Variants in APP observed in about 807,000 individuals in gnomAD.
APP encodes the protein amyloid-beta precursor protein.
In APP, 31 loss-of-function variants were observed where a neutral mutation model predicts 101.4. The observed-to-expected ratio is 0.31, with a 90% CI of 0.23 to 0.41. The LOEUF (loss-of-function observed/expected upper bound fraction) is 0.41, where lower values mean the gene tolerates loss of function less well. APP is among the 10% of genes least tolerant of loss of function. APP has a pLI of 1.00. For missense variants in APP, 839 were observed against 1,003.7 expected, an observed-to-expected ratio of 0.84 and a Z score of 2.22; for synonymous variants, 366 against 364.4, an observed-to-expected ratio of 1.00 and a Z score of -0.05.
intron 3 of APP, among the ~76,000 whole-genome samples, chr21:26,063,348 T>C (rs1300615011): frequency 2.6e-5 from 4 of 152,204 alleles, no homozygotes; most frequent in Admixed American, 2.6e-4. Context: ...CTCTATCAAC[T>C]GAGAAGTCTT....
At chr21:26,039,980 T>C (rs1302409503) in intron 5 of APP, among the ~76,000 whole-genome samples, 1 of 152,246 alleles carries the variant, frequency 6.6e-6, no homozygotes, top group South Asian at 2.1e-4. Context: ...ACCAGAAGTG[T>C]TTCAGATTTC....
At chr21:26,094,722 C>T (rs1030691248) in intron 2 of APP, among the ~76,000 whole-genome samples, 53 of 151,218 alleles carry the variant, frequency 3.5e-4, no homozygotes, top group Admixed American at 1.8e-3. Flanking sequence ...GATTAAGTTC[C>T]TGATTTTTAT....
intron 9 of APP, among the ~76,000 whole-genome samples, chr21:25,977,501 G>A (rs1451334729): frequency 6.6e-6 from 1 of 152,118 alleles, no homozygotes; most frequent in Non-Finnish European, 1.5e-5. Context: ...AAGAAAAAGA[G>A]GCTTGGAATA....
chr21:26,164,177 G>A (rs564973360), intron 1 of APP, among the ~76,000 whole-genome samples: 4 of 152,314 alleles, frequency 2.6e-5, no homozygotes, highest in South Asian at 4.1e-4. Context: ...CCTGAGAGGC[G>A]GAGATTGCAG....
intron 8 of APP, among the ~76,000 whole-genome samples, chr21:25,995,733 T>C (rs948720072): frequency 6.6e-6 from 1 of 152,216 alleles, no homozygotes; most frequent in African/African-American, 2.4e-5. Flanking sequence ...AAAATGCTTT[T>C]TTCACAACAG....
At chr21:25,980,910 A>G (rs533822456) in intron 9 of APP, among the ~76,000 whole-genome samples, 1 of 152,308 alleles carries the variant, frequency 6.6e-6, no homozygotes, top group African/African-American at 2.4e-5. Flanking sequence ...AACATGAGCA[A>G]GAGCCTTTTA....
At chr21:25,955,936 A>G (rs572534295) in intron 11 of APP, among the ~76,000 whole-genome samples, 181 bp from the exon 12 acceptor site, 1 of 152,206 alleles carries the variant, frequency 6.6e-6, no homozygotes, top group South Asian at 2.1e-4. Flanking sequence ...AATTACTTAG[A>G]TCGGCTGCTT....
chr21:25,881,546 A>G lies in APP; in HGVS notation c.*124T>C. 1 of 1,093,954 alleles carries G rather than the reference A, an allele frequency of 9.1e-7. No individual in the cohort carries two copies. Among genetic ancestry groups the G allele is most frequent in the Non-Finnish European group, 1.4e-6 (1 of 720,542 alleles). 67.8% of individuals were successfully genotyped at this position (1,093,954 alleles called of 1,614,324 possible). ...ACTTGTGTTACAGCACAGCTGTCAA[A>G]AGGCGATAATGAGTAAATCATAAAA... On this transcript the variant is annotated 3_prime_UTR_variant, in exon 18 of 18. Coordinates refer to ENST00000346798, the MANE Select transcript of APP (RefSeq NM_000484.4).
chr21:26,116,114 A>C (rs961541187), intron 1 of APP, among the ~76,000 whole-genome samples: 7 of 152,230 alleles, frequency 4.6e-5, no homozygotes, highest in African/African-American at 1.7e-4. Context: ...ATGGGAAAAC[A>C]GTGTTCCTGA....
chr21:26,036,122 G>A (rs2045097643), intron 5 of APP, among the ~76,000 whole-genome samples: 1 of 152,006 alleles, frequency 6.6e-6, no homozygotes, highest in African/African-American at 2.4e-5. Flanking sequence ...TCAAGGGCAT[G>A]GATTACAGCA....
intron 3 of APP, among the ~76,000 whole-genome samples, chr21:26,078,107 A>G (rs950850986): frequency 6.6e-6 from 1 of 152,220 alleles, no homozygotes; most frequent in Non-Finnish European, 1.5e-5. Context: ...TCTTTTCCTC[A>G]GTGCTAATTG....
At chr21:25,989,888 C>T (rs897405396) in intron 8 of APP, among the ~76,000 whole-genome samples, 1 of 151,436 alleles carries the variant, frequency 6.6e-6, no homozygotes, top group African/African-American at 2.4e-5. Context: ...TTTCCGAGTG[C>T]CATGCTTATT....
At position 26,070,763 on chromosome 21, in the gene APP, A is replaced by G. The variant is rs1355491264; in HGVS notation, c.356-17415T>C. The stretch of plus-strand genomic sequence containing the variant: ...GAAACAAAACACCCAGAAAAATCTA[A>G]GGTTGAAGAACATGTATAATTTGAG... On this transcript the variant is annotated intron_variant, in intron 3 of 17. Transcript: ENST00000346798. Among the ~76,000 whole-genome samples, 10 of 152,222 alleles carry G rather than the reference A, an allele frequency of 6.6e-5. 1 individual carries two copies.
chr21:26,016,093 C>A (rs2044046276), intron 6 of APP, among the ~76,000 whole-genome samples: 1 of 152,022 alleles, frequency 6.6e-6, no homozygotes, highest in Non-Finnish European at 1.5e-5. Context: ...TGCAGTGGCG[C>A]AATCTCAGCT....
chr21:26,164,199 C>G (rs1041631615), intron 1 of APP, among the ~76,000 whole-genome samples: 1 of 152,204 alleles, frequency 6.6e-6, no homozygotes, highest in Non-Finnish European at 1.5e-5. Context: ...GAGCTGAGAT[C>G]GCACCACTGC....
chr21:26,077,564 C>T (rs955917250), intron 3 of APP, among the ~76,000 whole-genome samples: 1 of 152,104 alleles, frequency 6.6e-6, no homozygotes, highest in Non-Finnish European at 1.5e-5. Flanking sequence ...TCCAGTAGAA[C>T]CCTAAGAAGC....
At chr21:25,926,007 A>G (rs1285612201) in intron 13 of APP, among the ~76,000 whole-genome samples, 2 of 152,212 alleles carry the variant, frequency 1.3e-5, no homozygotes, top group African/African-American at 4.8e-5. Flanking sequence ...AAAGCAAGGC[A>G]TGAGATGAGT....
At chr21:25,951,328 C>T (rs1287385466) in intron 13 of APP, among the ~76,000 whole-genome samples, 1 of 152,188 alleles carries the variant, frequency 6.6e-6, no homozygotes, top group Non-Finnish European at 1.5e-5. Flanking sequence ...AGCAGATATA[C>T]CTCTCCCACT....
At chr21:26,145,156 GCTGA>G (rs955905972) in intron 1 of APP, among the ~76,000 whole-genome samples, 3 of 152,172 alleles carry the variant, frequency 2.0e-5, no homozygotes, top group African/African-American at 7.2e-5. Flanking sequence ...TCAAAAGCTG[GCTGA>G]CTACCTACCA....
Sources: gnomAD v4.1 joint callset for allele counts (sites outside exome capture counted in the v4.1 genomes callset) on GRCh38, gnomAD v4.1.1 for gene constraint, MANE v1.5 for transcripts, NCBI Gene and HGNC (gene_info 2026-07-23, HGNC 2026-07-21) for gene names.